The following NAV3 variants were observed in gnomAD, a reference collection of about 807,000 sequenced individuals.
NAV3 encodes the protein neuron navigator 3.
A neutral mutation model predicts 244.7 loss-of-function variants in NAV3; 87 were observed. The observed-to-expected ratio is 0.36, with a 90% CI of 0.30 to 0.42. NAV3 has a LOEUF of 0.42. Ranked by LOEUF, NAV3 falls within the 20% of genes least tolerant of loss-of-function variation. The pLI, the probability that NAV3 is intolerant of heterozygous loss-of-function variation, is 1.00. For synonymous variants in NAV3, 1,126 were observed against 1,042.2 expected, an observed-to-expected ratio of 1.08 and a Z score of -1.55; for missense variants, 2,663 against 2,893.3, an observed-to-expected ratio of 0.92 and a Z score of 1.83.
At chr12:78,020,882 C>G (rs1242242124) in intron 8 of NAV3, among the ~76,000 whole-genome samples, 1 of 152,132 alleles carries the variant, frequency 6.6e-6, no homozygotes, top group Non-Finnish European at 1.5e-5. Flanking sequence ...TGAGATGTCT[C>G]TAAAGAACAC....
chr12:77,711,825 A>G (rs1876129493), intron 2 of NAV3, among the ~76,000 whole-genome samples: 1 of 152,122 alleles, frequency 6.6e-6, no homozygotes, highest in African/African-American at 2.4e-5. Flanking sequence ...CCCTATCATG[A>G]CCCATAGAGT....
At position 77,775,573 on chromosome 12, in the gene NAV3, A is replaced by G. The variant is rs1028015678; in HGVS notation, c.73-164746A>G. 4.6e-5 allele frequency among the ~76,000 whole-genome samples: 7 copies of G among 152,262 alleles called. No individual in the cohort carries two copies. In the South Asian group the frequency reaches 1.0e-3, roughly 23 times the overall value. On this transcript the variant is annotated intron_variant, in intron 2 of 8. Transcript: ENST00000550042. ...TCCTCATTCATTTGTTTTAAATCTT[A>G]TAATAGCCTGTTACTTTATCTTGTT...
chr12:77,579,644 G>C (rs774315827), intron 2 of NAV3, among the ~76,000 whole-genome samples: 2 of 152,152 alleles, frequency 1.3e-5, no homozygotes, highest in Non-Finnish European at 2.9e-5. Context: ...ATTTCAACAG[G>C]AGTTTTGGAG....
intron 1 of NAV3, among the ~76,000 whole-genome samples, chr12:77,836,328 G>T (rs1339190996): frequency 6.6e-6 from 1 of 152,024 alleles, no homozygotes; most frequent in Non-Finnish European, 1.5e-5. Flanking sequence ...TTCCAACTTG[G>T]TCTGCCACCT....
intron 10 of NAV3, 32 bp from the exon 11 acceptor site, chr12:78,050,732 G>C (rs970806211): frequency 3.1e-5 from 48 of 1,556,280 alleles, no homozygotes; most frequent in Non-Finnish European, 4.0e-5. Flanking sequence ...AAGTGAACCA[G>C]AGTATAGTTA....
At position 77,678,027 on chromosome 12, in the gene NAV3, G is replaced by T. The variant is rs569628353; in HGVS notation, c.72+105761G>T. Reference sequence around the variant, plus strand: ...TGATTTTCTAAAGGACAGATAGCAGGCTCTGATGTTACGCCTTGTTAGCAC... The same window carrying T: ...TGATTTTCTAAAGGACAGATAGCAGTCTCTGATGTTACGCCTTGTTAGCAC... On this transcript the variant is annotated intron_variant, in intron 2 of 8. Coordinates refer to the NAV3 transcript ENST00000550042. Among the ~76,000 whole-genome samples the T allele has an allele frequency of 2.0e-5, 3 of 152,112 alleles. No individual in the cohort carries two copies. In the South Asian group the frequency reaches 6.3e-4, roughly 32 times the overall value.
chr12:78,119,233 T>C lies in NAV3; in HGVS notation c.3041-4T>C, dbSNP rs1344023931. ...CATATATTTGTGTATTTCTCCTTAA[T>C]TAGGGAAAACCGATGATGCCAAAGC... On this transcript the variant is annotated splice_region_variant and splice_polypyrimidine_tract_variant and intron_variant, in intron 14 of 39. Transcript: ENST00000397909. 6.2e-7 allele frequency: 1 copy of C among 1,605,964 alleles called. No homozygotes were observed. Among genetic ancestry groups the C allele is most frequent in the East Asian group, 2.2e-5 (1 of 44,826 alleles).
intron 22 of NAV3, among the ~76,000 whole-genome samples, chr12:78,155,750 T>C (rs918040298): frequency 6.6e-6 from 1 of 151,840 alleles, no homozygotes; most frequent in African/African-American, 2.4e-5. Context: ...GATGTTACCC[T>C]TTTTTTTATA....
intron 1 of NAV3, among the ~76,000 whole-genome samples, chr12:77,847,881 A>G (rs1014602077): frequency 6.6e-6 from 1 of 152,186 alleles, no homozygotes; most frequent in Non-Finnish European, 1.5e-5. Context: ...TGCAGCTGCC[A>G]GGAGGCTGAA....
In NAV3 at chr12:78,095,102, CAT is replaced by C. The variant is rs1321371982; in HGVS notation, c.2637-21660_2637-21659del. Among the ~76,000 whole-genome samples the C allele has an allele frequency of 2.2e-3, 330 of 147,862 alleles. 2 individuals are homozygous for C. The highest frequency in any genetic ancestry group is 7.2e-3 in the African/African-American group (288 of 39,936). On this transcript the variant is annotated intron_variant, in intron 12 of 39. Transcript: ENST00000397909. ...ACACACACACACATATATATATACA[CAT>C]ATATATATACACATACATATGTATA...
chr12:77,751,753 A>C (rs1031397678), intron 2 of NAV3, among the ~76,000 whole-genome samples: 6 of 152,210 alleles, frequency 3.9e-5, no homozygotes, highest in African/African-American at 1.4e-4. Flanking sequence ...GCATTATATC[A>C]ATGTGAGCAT....
chr12:77,601,846 G>T (rs1388916980), intron 2 of NAV3, among the ~76,000 whole-genome samples: 1 of 151,962 alleles, frequency 6.6e-6, no homozygotes, highest in African/African-American at 2.4e-5. Context: ...TTGGACAAAA[G>T]AAATGGATTT....
rs1367927090 is a variant in NAV3 at position 77,881,150 on chromosome 12, C to T, written c.243+49446C>T. 6.6e-5 allele frequency among the ~76,000 whole-genome samples: 10 copies of T among 152,096 alleles called. No homozygotes were observed. The South Asian group carries it at 1.7e-3, about 25-fold the overall frequency. On this transcript the variant is annotated intron_variant, in intron 1 of 39. Transcript: ENST00000397909. The stretch of plus-strand genomic sequence containing the variant: ...ACTTTCTTCTTTCCTGTCACCTTTC[C>T]TTTACTTAGTGGATCTCAAACTTGA...
intron 2 of NAV3, among the ~76,000 whole-genome samples, chr12:77,747,924 C>T (rs1267579399): frequency 6.6e-6 from 1 of 152,038 alleles, no homozygotes; most frequent in Non-Finnish European, 1.5e-5. Context: ...AGGAGATATA[C>T]CTAATGTTAC....
chr12:77,741,146 G>GAGAAAAAAAAAAAAAAAA (rs1393220189), intron 2 of NAV3, among the ~76,000 whole-genome samples: 1 of 7,372 alleles, frequency 1.4e-4, no homozygotes, highest in African/African-American at 4.4e-4. Flanking sequence ...AAAAAAAAAA[G>GAGAAAAAAAAAAAAAAAA]ACAAAAAAAA....
intron 2 of NAV3, among the ~76,000 whole-genome samples, chr12:77,636,827 G>A (rs1032881405): frequency 1.3e-5 from 2 of 152,108 alleles, no homozygotes; most frequent in African/African-American, 4.8e-5. Flanking sequence ...AGAATGAGTT[G>A]CTGTCCTTTG....
chr12:77,915,094 G>A (rs1191891109), intron 1 of NAV3, among the ~76,000 whole-genome samples: 2 of 151,896 alleles, frequency 1.3e-5, no homozygotes, highest in Admixed American at 6.6e-5. Flanking sequence ...TCATGCCTTA[G>A]GATCTTCTTC....
chr12:78,017,209 G>A (rs966603485), intron 8 of NAV3, among the ~76,000 whole-genome samples: 1 of 152,124 alleles, frequency 6.6e-6, no homozygotes, highest in East Asian at 1.9e-4. Flanking sequence ...CATATTAAGT[G>A]CACAAAAACA....
chr12:77,988,776 G>A (rs1339207332), intron 5 of NAV3, among the ~76,000 whole-genome samples: 1 of 152,104 alleles, frequency 6.6e-6, no homozygotes, highest in Non-Finnish European at 1.5e-5. Flanking sequence ...TTGCCTGAGA[G>A]CTGTGTCTAC....
Sources: allele counts gnomAD v4.1 joint callset (sites outside exome capture counted in the v4.1 genomes callset), GRCh38; gene constraint gnomAD v4.1.1; transcripts MANE v1.5; gene names NCBI Gene and HGNC (gene_info 2026-07-23, HGNC 2026-07-21).